Variants in OXR1 observed in about 807,000 individuals in gnomAD.
OXR1 encodes the protein oxidation resistance 1, also known as oxidation resistance protein 1.
Under a neutral mutation model 104.6 loss-of-function variants are expected in OXR1, and 41 were observed. The ratio of observed to expected loss-of-function variants is 0.39; its 90% CI spans 0.31 to 0.51. The LOEUF (loss-of-function observed/expected upper bound fraction) is 0.51, where lower values mean the gene tolerates loss of function less well. Among genes scored for constraint, OXR1 ranks in the 20% least tolerant of loss-of-function variants. OXR1 has a pLI of 0.77. For missense variants in OXR1, 955 were observed against 1,031.9 expected, an observed-to-expected ratio of 0.93 and a Z score of 1.02; for synonymous variants, 348 against 348.4, an observed-to-expected ratio of 1.00 and a Z score of 0.01.
At chr8:106,477,068 A>G (rs1347186851) in intron 2 of OXR1, among the ~76,000 whole-genome samples, 1 of 152,010 alleles carries the variant, frequency 6.6e-6, no homozygotes, top group Non-Finnish European at 1.5e-5. Flanking sequence ...TGCAGACCTC[A>G]ATCTACAGTA....
At chr8:106,596,274 T>C (rs1273725636) in intron 3 of OXR1, among the ~76,000 whole-genome samples, 1 of 152,036 alleles carries the variant, frequency 6.6e-6, no homozygotes, top group Non-Finnish European at 1.5e-5. Context: ...GGGGAAACTC[T>C]GTCTCTACTA....
At position 106,521,781 on chromosome 8, in the gene OXR1, G is replaced by C. The variant is rs184203924; in HGVS notation, c.220+2642G>C. 6.2e-3 allele frequency among the ~76,000 whole-genome samples: 938 copies of C among 152,228 alleles called. 10 individuals are homozygous for C. Among genetic ancestry groups the C allele is most frequent in the African/African-American group, 0.021 (886 of 41,544 alleles). Reference sequence around the variant, plus strand: ...CCCACCTCAGCCTCCCAAAGTGCTGGGGTTACAGGCATGAGCCACTACTCC... The same window carrying C: ...CCCACCTCAGCCTCCCAAAGTGCTGCGGTTACAGGCATGAGCCACTACTCC... On this transcript the variant is annotated intron_variant, in intron 3 of 16. Coordinates refer to ENST00000517566, the MANE Select transcript of OXR1 (RefSeq NM_001198533.2).
chr8:106,282,566 A>T (rs1812332850), intron 1 of OXR1, among the ~76,000 whole-genome samples: 1 of 152,206 alleles, frequency 6.6e-6, no homozygotes, highest in African/African-American at 2.4e-5. Flanking sequence ...TGTGTGTGTG[A>T]TATGTATTAT....
intron 5 of OXR1, 133 bp from the exon 6 acceptor site, chr8:106,684,111 TTA>T: frequency 3.6e-6 from 2 of 550,618 alleles, no homozygotes; most frequent in East Asian, 5.9e-5. Context: ...AAAAATGTTT[TTA>T]TATTCTTATA....
chr8:106,339,200 A>C (rs530569678), intron 1 of OXR1, among the ~76,000 whole-genome samples: 2 of 152,128 alleles, frequency 1.3e-5, no homozygotes, highest in East Asian at 1.9e-4. Context: ...AATATTGATA[A>C]ATATAACAAA....
chr8:106,460,985 A>G (rs1820877751), intron 2 of OXR1, among the ~76,000 whole-genome samples: 2 of 151,928 alleles, frequency 1.3e-5, no homozygotes, highest in Admixed American at 1.3e-4. Context: ...ATATTTATAT[A>G]TTTAAGACAT....
intron 3 of OXR1, among the ~76,000 whole-genome samples, chr8:106,574,322 A>G (rs1051762411): frequency 1.3e-5 from 2 of 151,912 alleles, no homozygotes; most frequent in African/African-American, 4.8e-5. Context: ...TTAATATTCA[A>G]CTCCCATCTC....
intron 2 of OXR1, among the ~76,000 whole-genome samples, chr8:106,480,131 C>T (rs1306510021): frequency 6.6e-6 from 1 of 151,932 alleles, no homozygotes; most frequent in Non-Finnish European, 1.5e-5. Flanking sequence ...ATTACTTTTT[C>T]ATTAATCCTC....
intron 2 of OXR1, among the ~76,000 whole-genome samples, chr8:106,381,779 T>C (rs1364467225): frequency 6.6e-6 from 1 of 152,224 alleles, no homozygotes; most frequent in Non-Finnish European, 1.5e-5. Flanking sequence ...TGAGTTATTT[T>C]TGCAGTGACA....
At chr8:106,591,174 A>C (rs1219042941) in intron 3 of OXR1, among the ~76,000 whole-genome samples, 1 of 151,150 alleles carries the variant, frequency 6.6e-6, no homozygotes, top group Non-Finnish European at 1.5e-5. Context: ...ATTCTCAGCA[A>C]ACTATCGCAA....
intron 2 of OXR1, among the ~76,000 whole-genome samples, chr8:106,452,750 T>C (rs1820387469): frequency 6.6e-6 from 1 of 152,196 alleles, no homozygotes; most frequent in African/African-American, 2.4e-5. Context: ...GTTGTTTGTT[T>C]TGAAACTTGT....
chr8:106,565,229 T>TA (rs1289962890), intron 3 of OXR1, among the ~76,000 whole-genome samples: 1 of 152,168 alleles, frequency 6.6e-6, no homozygotes, highest in Non-Finnish European at 1.5e-5. Flanking sequence ...TAGAAAACCC[T>TA]ATTGTCTCAT....
At chr8:106,362,719 G>T (rs147961816) in intron 2 of OXR1, among the ~76,000 whole-genome samples, 1 of 152,148 alleles carries the variant, frequency 6.6e-6, no homozygotes, top group East Asian at 1.9e-4. Context: ...AAAGGGATGC[G>T]CAGAATCTGT....
At chr8:106,613,683 G>C (rs1820978200) in intron 3 of OXR1, among the ~76,000 whole-genome samples, 1 of 152,322 alleles carries the variant, frequency 6.6e-6, no homozygotes, top group South Asian at 2.1e-4. Context: ...ACAGGCGTGA[G>C]CCACTGAGCC....
At chr8:106,333,704 T>C (rs1814833602) in intron 1 of OXR1, among the ~76,000 whole-genome samples, 1 of 152,142 alleles carries the variant, frequency 6.6e-6, no homozygotes, top group African/African-American at 2.4e-5. Flanking sequence ...ATGTAGATAA[T>C]GATTGTTTCA....
rs200425580 is a variant in OXR1 at position 106,349,499 on chromosome 8, CA to C, written c.-138-9973del. On this transcript the variant is annotated intron_variant, in intron 1 of 16. Coordinates refer to ENST00000517566, the MANE Select transcript of OXR1 (RefSeq NM_001198533.2). Reference sequence around the variant, plus strand: ...ATATGTAGTTGAGCAGTAAACAAAGCAAAACAGAAACGAAAACAACCTCGGA... The same window carrying C: ...ATATGTAGTTGAGCAGTAAACAAAGCAAACAGAAACGAAAACAACCTCGGA... Among the ~76,000 whole-genome samples, 443 of 151,978 alleles carry C rather than the reference CA, an allele frequency of 2.9e-3. 3 individuals carry two copies. The East Asian group carries it at 0.042, about 15-fold the overall frequency.
intron 3 of OXR1, among the ~76,000 whole-genome samples, chr8:106,544,672 C>G (rs898768726): frequency 6.6e-6 from 1 of 152,146 alleles, no homozygotes; most frequent in African/African-American, 2.4e-5. Context: ...CTCGTCATCA[C>G]AAGAGACGGA....
chr8:106,712,596 C>T (rs1354820638), intron 10 of OXR1, among the ~76,000 whole-genome samples: 1 of 151,978 alleles, frequency 6.6e-6, no homozygotes, highest in African/African-American at 2.4e-5. Context: ...CGTTTGTGTA[C>T]CTCTTGGAAA....
At chr8:106,740,284 G>A in intron 13 of OXR1, 59 bp from the exon 14 acceptor site, 1 of 1,326,276 alleles carries the variant, frequency 7.5e-7, no homozygotes, top group Non-Finnish European at 1.1e-6. Flanking sequence ...GCTGGCATTA[G>A]TATTCTACAT....
Sources: gnomAD v4.1 joint callset for allele counts (sites outside exome capture counted in the v4.1 genomes callset) on GRCh38, gnomAD v4.1.1 for gene constraint, MANE v1.5 for transcripts, NCBI Gene and HGNC (gene_info 2026-07-23, HGNC 2026-07-21) for gene names.